Variants in NRXN3 observed in about 807,000 individuals in gnomAD.
NRXN3 encodes the protein neurexin 3.
In NRXN3, 32 loss-of-function variants were observed where a neutral mutation model predicts 137.6. The observed-to-expected ratio is 0.23, with a 90% confidence interval of 0.18 to 0.31. The LOEUF is 0.31. Among genes scored for constraint, NRXN3 ranks in the 10% least tolerant of loss-of-function variants. The pLI is 1.00. For synonymous variants in NRXN3, 798 were observed against 784.5 expected, an observed-to-expected ratio of 1.02 and a Z score of -0.29; for missense variants, 1,574 against 2,062.5, an observed-to-expected ratio of 0.76 and a Z score of 4.59.
At chr14:79,325,473 A>G (rs1301880633) in intron 15 of NRXN3, among the ~76,000 whole-genome samples, 1 of 152,204 alleles carries the variant, frequency 6.6e-6, no homozygotes, top group African/African-American at 2.4e-5. Context: ...ACTCCTAGCA[A>G]ACAGTGGTAG....
intron 15 of NRXN3, among the ~76,000 whole-genome samples, chr14:79,408,918 G>A (rs1052457791): frequency 1.3e-5 from 2 of 151,976 alleles, no homozygotes; most frequent in Admixed American, 1.3e-4. Flanking sequence ...GTAAATTCAT[G>A]TGTTTTTTTT....
intron 15 of NRXN3, among the ~76,000 whole-genome samples, chr14:79,383,481 G>T (rs1463561395): frequency 6.6e-6 from 1 of 152,108 alleles, no homozygotes. Flanking sequence ...TTTCATGTAA[G>T]AAACAAAATT....
intron 2 of NRXN3, among the ~76,000 whole-genome samples, chr14:78,248,690 C>A (rs2068106922): frequency 6.6e-6 from 1 of 152,098 alleles, no homozygotes; most frequent in Non-Finnish European, 1.5e-5. Context: ...TGTTCCCAAT[C>A]TGTGTCAGCT....
At chr14:79,693,929 G>T (rs542718267) in intron 18 of NRXN3, among the ~76,000 whole-genome samples, 33 of 152,046 alleles carry the variant, frequency 2.2e-4, no homozygotes, top group African/African-American at 7.0e-4. Flanking sequence ...AATTTTTGTT[G>T]TAATTTGGGT....
rs534681924 is a variant in NRXN3, at chr14:79,200,357, A to G, written c.3262+212216A>G. 1.3e-5 allele frequency among the ~76,000 whole-genome samples: 2 copies of G among 152,202 alleles called. 1 individual carries two copies. Among genetic ancestry groups the G allele is most frequent in the Middle Eastern group, 6.3e-3 (2 of 316 alleles). ...TTTGCTTAGAGGATTTGGCATATCC[A>G]TGATGAGAGTATACCGGGGAAGCAA... On this transcript the variant is annotated intron_variant, in intron 15 of 20. Transcript: ENST00000335750.
intron 15 of NRXN3, among the ~76,000 whole-genome samples, chr14:79,227,528 A>G (rs2071158957): frequency 6.6e-6 from 1 of 152,112 alleles, no homozygotes; most frequent in African/African-American, 2.4e-5. Flanking sequence ...AATGTCACCA[A>G]ACGGTTAAAT....
At chr14:78,504,096 A>C (rs1884380074) in intron 4 of NRXN3, among the ~76,000 whole-genome samples, 1 of 152,118 alleles carries the variant, frequency 6.6e-6, no homozygotes, top group African/African-American at 2.4e-5. Context: ...AGAGGGGAAT[A>C]GAGTTCTTAG....
chr14:78,174,933 G>T (rs1194560145), intron 1 of NRXN3, among the ~76,000 whole-genome samples: 1 of 152,184 alleles, frequency 6.6e-6, no homozygotes, highest in Non-Finnish European at 1.5e-5. Context: ...CTGCTGCCTT[G>T]ACAGAGCCTG....
chr14:79,157,797 G>A (rs1215058673), intron 15 of NRXN3, among the ~76,000 whole-genome samples: 4 of 151,756 alleles, frequency 2.6e-5, no homozygotes, highest in Non-Finnish European at 5.9e-5. Flanking sequence ...AGAGAGAAGT[G>A]AAAATATGAA....
At chr14:79,006,096 G>A (rs1298294650) in intron 15 of NRXN3, among the ~76,000 whole-genome samples, 2 of 119,900 alleles carry the variant, frequency 1.7e-5, no homozygotes, top group Non-Finnish European at 3.0e-5. Context: ...CCAAAGATAT[G>A]CCTTAGAAAG....
In NRXN3 at chr14:78,743,410, A is replaced by G. The variant is rs193187814; in HGVS notation, c.2044+28271A>G. On this transcript the variant is annotated intron_variant, in intron 8 of 20. Coordinates refer to ENST00000335750, the MANE Select transcript of NRXN3 (RefSeq NM_001330195.2). ...CAATCTCTTACTCCTTGCTATCCAC[A>G]TATCTTCCTGGGTGATCTCTTTCGC... Among the ~76,000 whole-genome samples the G allele has an allele frequency of 2.2e-4, 34 of 152,304 alleles. No individual in the cohort carries two copies. In the East Asian group the frequency reaches 5.2e-3, roughly 23 times the overall value.
At chr14:79,052,785 A>G (rs1676935136) in intron 15 of NRXN3, among the ~76,000 whole-genome samples, 2 of 152,152 alleles carry the variant, frequency 1.3e-5, no homozygotes, top group South Asian at 4.1e-4. Context: ...CCCATTAGGG[A>G]TCAGAGGCTG....
chr14:78,888,330 T>G (rs1032293832), intron 10 of NRXN3, among the ~76,000 whole-genome samples: 1 of 152,000 alleles, frequency 6.6e-6, no homozygotes, highest in South Asian at 2.1e-4. Context: ...GACAGCAAAT[T>G]ATTGAATTCT....
At chr14:78,225,952 G>GGTGTGTGT (rs5809869) in intron 1 of NRXN3, among the ~76,000 whole-genome samples, 2,524 of 124,680 alleles carry the variant, frequency 0.02, 136 homozygotes, top group African/African-American at 0.078. Flanking sequence ...GTGTTTTTTT[G>GGTGTGTGT]GTGTGTGTGT....
chr14:78,675,587 G>A (rs574262911), intron 6 of NRXN3, among the ~76,000 whole-genome samples: 13 of 152,232 alleles, frequency 8.5e-5, no homozygotes, highest in Admixed American at 3.3e-4. Flanking sequence ...AGAAGAGAAG[G>A]TTTGAAATAC....
intron 10 of NRXN3, among the ~76,000 whole-genome samples, chr14:78,845,044 C>A (rs1327276745): frequency 1.3e-5 from 2 of 151,504 alleles, no homozygotes; most frequent in Admixed American, 6.6e-5. Context: ...CCAGTGATGT[C>A]TGTGATGTCA....
intron 4 of NRXN3, among the ~76,000 whole-genome samples, chr14:78,315,946 T>G (rs2078663961): frequency 6.6e-6 from 1 of 152,208 alleles, no homozygotes; most frequent in Non-Finnish European, 1.5e-5. Flanking sequence ...GTACGCATAG[T>G]AACCATTACC....
chr14:78,752,516 A>G (rs1207074779), intron 8 of NRXN3, among the ~76,000 whole-genome samples: 1 of 152,260 alleles, frequency 6.6e-6, no homozygotes, highest in Non-Finnish European at 1.5e-5. Context: ...CAAGGCAAAC[A>G]TGGCTCTTAA....
intron 19 of NRXN3, among the ~76,000 whole-genome samples, chr14:79,748,859 T>C (rs1352694956): frequency 6.6e-6 from 1 of 151,472 alleles, no homozygotes; most frequent in Non-Finnish European, 1.5e-5. Context: ...GTTTTCCCCA[T>C]AAATGCTGTA....
Sources: gnomAD v4.1 joint callset for allele counts (sites outside exome capture counted in the v4.1 genomes callset) on GRCh38, gnomAD v4.1.1 for gene constraint, MANE v1.5 for transcripts, NCBI Gene and HGNC (gene_info 2026-07-23, HGNC 2026-07-21) for gene names.